The following C9 variants were observed in gnomAD, a reference collection of about 807,000 sequenced individuals.
The protein encoded by C9 is complement C9, also known as complement component C9.
A neutral mutation model predicts 65.4 loss-of-function variants in C9; 63 were observed. The ratio of observed to expected loss-of-function variants is 0.96; its 90% CI spans 0.79 to 1.19. The LOEUF (loss-of-function observed/expected upper bound fraction) is 1.19. Ranked by LOEUF, C9 falls within the 50% of genes most tolerant of loss-of-function variation. The pLI is 0.00. For missense variants in C9, 744 were observed against 670.1 expected (o/e 1.11, Z -1.22); for synonymous variants, 229 against 227.9 (o/e 1.00, Z -0.04).
chr5:39,293,054 C>G (rs447589), intron 9 of C9, among the ~76,000 whole-genome samples: 149,718 of 151,832 alleles, frequency 0.99, 73,855 homozygotes, highest in East Asian at 1. Flanking sequence ...AAAGGCATCT[C>G]TGGTGGTTGG....
rs570236419 is a variant in C9 at position 39,344,202 on chromosome 5, G to C, written c.78-2006C>G. Among the ~76,000 whole-genome samples, 4 of 152,334 alleles carry C rather than the reference G, an allele frequency of 2.6e-5. No individual in the cohort carries two copies. The South Asian group carries it at 8.3e-4, about 32-fold the overall frequency. The stretch of plus-strand genomic sequence containing the variant: ...GACTTTGATGAGATGAGAGAAGAAG[G>C]CTACAGACGATCAGACTTATCTGAG... On this transcript the variant is annotated intron_variant, in intron 1 of 10. Coordinates refer to ENST00000263408, the MANE Select transcript of C9 (RefSeq NM_001737.5).
intron 4 of C9, among the ~76,000 whole-genome samples, chr5:39,336,737 T>C (rs1753973347): frequency 2.0e-5 from 3 of 152,190 alleles, no homozygotes; most frequent in Non-Finnish European, 2.9e-5. Flanking sequence ...TTTACTCACA[T>C]AAATAAGTAG....
In C9 at chr5:39,315,479, A is replaced by G. The variant is rs145454676; in HGVS notation, c.870+296T>C. ...TTCTTCAGTATAATTCTTCATTAAA[A>G]TTCTGATGATCATATAAATTGAATG... is the stretch of plus-strand genomic sequence containing the variant. On this transcript the variant is annotated intron_variant, in intron 6 of 10. Transcript: ENST00000263408. Among the ~76,000 whole-genome samples the G allele has an allele frequency of 8.5e-4, 130 of 152,298 alleles. 1 individual carries two copies. Among genetic ancestry groups the G allele is most frequent in the African/African-American group, 2.9e-3 (120 of 41,574 alleles).
At chr5:39,308,766 A>G (rs1753425095) in intron 7 of C9, among the ~76,000 whole-genome samples, 1 of 152,202 alleles carries the variant, frequency 6.6e-6, no homozygotes, top group South Asian at 2.1e-4. Flanking sequence ...TTATGAAGTA[A>G]GTCCATATTG....
At chr5:39,359,922 A>G (rs1374132846) in intron 1 of C9, among the ~76,000 whole-genome samples, 1 of 152,272 alleles carries the variant, frequency 6.6e-6, no homozygotes, top group East Asian at 1.9e-4. Flanking sequence ...GCTGTATTAA[A>G]TGGACAAATA....
In C9 at chr5:39,284,597, C is replaced by G. The variant is rs1410990823; in HGVS notation, c.*602G>C. 6.6e-6 allele frequency: 1 copy of G among 152,356 alleles called. No homozygotes were observed. Among genetic ancestry groups the G allele is most frequent in the African/African-American group, 2.4e-5 (1 of 41,440 alleles). 9.4% of individuals were successfully genotyped at this position (152,356 alleles called of 1,614,324 possible). ...CCCATTAACCAACTCCTCTTTATCT[C>G]CCTTCAGTCCTCTGGTAAACTAGTA... is the stretch of plus-strand genomic sequence containing the variant. On this transcript the variant is annotated 3_prime_UTR_variant, in exon 11 of 11. Coordinates refer to ENST00000263408, the MANE Select transcript of C9 (RefSeq NM_001737.5).
rs141715400 is a variant in C9 at position 39,355,065 on chromosome 5, G to A, written c.77+9323C>T. Among the ~76,000 whole-genome samples, 313 of 152,224 alleles carry A rather than the reference G, an allele frequency of 2.1e-3. 2 individuals are homozygous for A. The highest frequency in any genetic ancestry group is 7.1e-3 in the African/African-American group (295 of 41,544). ...TTTGTCTATTACTTTTGTATTTGTC[G>A]TTTACTTAGATGAATATGTTAACAT... On this transcript the variant is annotated intron_variant, in intron 1 of 10. Transcript: ENST00000263408.
Position 39,331,807 on chromosome 5 carries a change from T to C in C9, c.484A>G (p.Ile162Val). Reference sequence around the variant, plus strand: ...GTGCTTAGGGGATCCATCCCTAAAATGTTGATCCTGAGAATGAACAGAGTA... The same window carrying C: ...GTGCTTAGGGGATCCATCCCTAAAACGTTGATCCTGAGAATGAACAGAGTA... ...LARTAGYGIN[I>V]LGMDPLSTPF... is the part of the protein sequence containing the mutation. The change falls in exon 5 of 11, where the codon ATT becomes GTT. Residue 162 changes from isoleucine (I) to valine (V), a missense_variant. Coordinates refer to ENST00000263408, the MANE Select transcript of C9 (RefSeq NM_001737.5). The C allele has an allele frequency of 6.2e-7, 1 of 1,613,426 alleles. No homozygotes were observed. The highest frequency in any genetic ancestry group is 8.5e-7 in the Non-Finnish European group (1 of 1,179,378).
intron 1 of C9, among the ~76,000 whole-genome samples, chr5:39,343,551 C>A (rs1323048346): frequency 2.0e-5 from 3 of 152,216 alleles, no homozygotes; most frequent in Non-Finnish European, 4.4e-5. Flanking sequence ...TGGAGCCCAC[C>A]ACAGCTCAAG....
intron 7 of C9, 67 bp downstream of exon 7, chr5:39,311,070 G>A (rs1000167921): frequency 1.9e-6 from 3 of 1,542,592 alleles, no homozygotes; most frequent in Admixed American, 3.3e-5. Flanking sequence ...CATTGAAACA[G>A]GTTGGTGAAC....
intron 1 of C9, among the ~76,000 whole-genome samples, chr5:39,351,749 A>C (rs898962752): frequency 6.6e-6 from 1 of 152,120 alleles, no homozygotes; most frequent in Non-Finnish European, 1.5e-5. Context: ...CCATATCACT[A>C]TCAGCATTTT....
chr5:39,308,474 A>G lies in C9; in HGVS notation c.1112-116T>C, dbSNP rs960070140. 5 of 756,734 alleles carry G rather than the reference A, an allele frequency of 6.6e-6. No individual in the cohort carries two copies. The East Asian group carries it at 1.3e-4, about 20-fold the overall frequency. The allele number at this position is 756,734 out of a possible 1,614,324, so 46.9% of individuals were successfully genotyped here. A position where few individuals can be genotyped will look rare whatever the true frequency, so the allele number is the denominator to read the frequency against. ...ACTTAGGTTCCTATACACCATGACT[A>G]AATTCAAATGTGCCATCATGTCTGT... On this transcript the variant is annotated intron_variant, in intron 7 of 10. Transcript: ENST00000263408.
At chr5:39,286,497 A>T (rs571078545) in intron 10 of C9, among the ~76,000 whole-genome samples, 5 of 152,154 alleles carry the variant, frequency 3.3e-5, no homozygotes, top group African/African-American at 1.2e-4. Flanking sequence ...GACAAAAGAA[A>T]ATTGAAAAAG....
rs112364981 is a variant in C9 at position 39,317,167 on chromosome 5, A to G, written c.616-1138T>C. 6.3e-3 allele frequency among the ~76,000 whole-genome samples: 962 copies of G among 152,202 alleles called. 8 individuals are homozygous for G. The highest frequency in any genetic ancestry group is 0.022 in the African/African-American group (907 of 41,528). On this transcript the variant is annotated intron_variant, in intron 5 of 10. Coordinates refer to ENST00000263408, the MANE Select transcript of C9 (RefSeq NM_001737.5). Reference sequence around the variant, plus strand: ...CTTCTTTTGAGAAGTGTCTGTTCATATCCTTTGCCCACTTTTTAATGGGGT... The same window carrying G: ...CTTCTTTTGAGAAGTGTCTGTTCATGTCCTTTGCCCACTTTTTAATGGGGT...
intron 9 of C9, among the ~76,000 whole-genome samples, chr5:39,289,728 T>A (rs1292932916): frequency 3.3e-5 from 5 of 151,856 alleles, no homozygotes; most frequent in African/African-American, 1.2e-4. Context: ...AATATTTGAC[T>A]TCTAGTGAAC....
intron 1 of C9, among the ~76,000 whole-genome samples, chr5:39,347,949 G>C (rs1754242143): frequency 7.0e-6 from 1 of 143,114 alleles, no homozygotes; most frequent in Non-Finnish European, 1.5e-5. Flanking sequence ...AATGGTGCTG[G>C]GAAAACTGGC....
At chr5:39,316,127 A>T in intron 5 of C9, 98 bp from the exon 6 acceptor site, 1 of 1,037,360 alleles carries the variant, frequency 9.6e-7, no homozygotes, top group Non-Finnish European at 1.4e-6. Context: ...ATTCTTTGAA[A>T]GGCAGTAGAA....
At position 39,353,828 on chromosome 5, in the gene C9, A is replaced by G. The variant is rs201468062; in HGVS notation, c.77+10560T>C. Among the ~76,000 whole-genome samples the G allele has an allele frequency of 4.6e-5, 7 of 152,192 alleles. No individual in the cohort carries two copies. In the East Asian group the frequency reaches 1.3e-3, roughly 29 times the overall value. Reference sequence around the variant, plus strand: ...GTTTTGTTCAGCTTGAATATCAAATACCTGAAACATAATAGGTACTCAGGA... The same window carrying G: ...GTTTTGTTCAGCTTGAATATCAAATGCCTGAAACATAATAGGTACTCAGGA... On this transcript the variant is annotated intron_variant, in intron 1 of 10. Transcript: ENST00000263408.
intron 1 of C9, among the ~76,000 whole-genome samples, chr5:39,349,094 C>A (rs1754270168): frequency 6.6e-6 from 1 of 151,416 alleles, no homozygotes; most frequent in Non-Finnish European, 1.5e-5. Flanking sequence ...ATGGGTGCAA[C>A]ACACCAACAT....
Sources: allele counts gnomAD v4.1 joint callset (sites outside exome capture counted in the v4.1 genomes callset), GRCh38; gene constraint gnomAD v4.1.1; transcripts MANE v1.5; gene names NCBI Gene and HGNC (gene_info 2026-07-23, HGNC 2026-07-21).